The following USH2A variants were observed in gnomAD, a reference collection of about 807,000 sequenced individuals.
USH2A encodes the protein usherin.
USH2A carries 443 observed loss-of-function variants against 538.9 expected under a neutral mutation model. The observed-to-expected ratio is 0.82, with a 90% CI of 0.76 to 0.89. The LOEUF is 0.89. Among genes scored for constraint, USH2A ranks in the 40% least tolerant of loss-of-function variants. The probability of loss-of-function intolerance (pLI) is 0.00; values close to 1 mark genes in which losing one functional copy is unlikely to be tolerated. For missense variants in USH2A, 6,633 were observed against 6,324.8 expected (o/e 1.05, Z -1.65); for synonymous variants, 2,413 against 2,273.5 (o/e 1.06, Z -1.75).
At chr1:216,036,383 C>T (rs1433695793) in intron 32 of USH2A, among the ~76,000 whole-genome samples, 1 of 152,016 alleles carries the variant, frequency 6.6e-6, no homozygotes, top group Non-Finnish European at 1.5e-5. Context: ...AAGAGATAAT[C>T]ACTATTAGTA....
chr1:215,750,604 T>C (rs1448119612), intron 58 of USH2A, among the ~76,000 whole-genome samples: 3 of 152,194 alleles, frequency 2.0e-5, no homozygotes, highest in Admixed American at 2.0e-4. Flanking sequence ...AAAGCAAAAA[T>C]CAGTTTTTTA....
chr1:216,131,389 C>G (rs975164072), intron 21 of USH2A, among the ~76,000 whole-genome samples: 5 of 152,024 alleles, frequency 3.3e-5, no homozygotes, highest in Non-Finnish European at 7.4e-5. Flanking sequence ...TTGCCTAAAC[C>G]AATGCCTAGA....
intron 3 of USH2A, among the ~76,000 whole-genome samples, chr1:216,383,629 G>C (rs1472550173): frequency 6.6e-6 from 1 of 152,146 alleles, no homozygotes; most frequent in African/African-American, 2.4e-5. Flanking sequence ...ACATAGGATT[G>C]TATGTCTGAA....
At chr1:215,792,620 A>G (rs1429578041) in intron 50 of USH2A, among the ~76,000 whole-genome samples, 1 of 152,196 alleles carries the variant, frequency 6.6e-6, no homozygotes, top group East Asian at 1.9e-4. Context: ...GACGTGCACT[A>G]ACTCACTTAG....
rs909432481 is a variant in USH2A at position 215,878,678 on chromosome 1, A to G, written c.8558+86T>C. 2.9e-6 allele frequency: 4 copies of G among 1,364,792 alleles called. No individual in the cohort carries two copies. The East Asian group carries it at 7.3e-5, about 25-fold the overall frequency. The allele number at this position is 1,364,792 out of a possible 1,614,324, so 84.5% of individuals were successfully genotyped here. ...AATGCCAAATTAGTTCTATGTTCAT[A>G]TAGGAATAAAAGCCTCCTTCATTTC... On this transcript the variant is annotated intron_variant, in intron 42 of 71. Coordinates refer to ENST00000307340, the MANE Select transcript of USH2A (RefSeq NM_206933.4).
At chr1:215,791,441 A>G (rs1558099770) in intron 50 of USH2A, among the ~76,000 whole-genome samples, 1 of 152,242 alleles carries the variant, frequency 6.6e-6, no homozygotes, top group Non-Finnish European at 1.5e-5. Flanking sequence ...TTTAAAAAAA[A>G]TCATTGAAAG....
At chr1:215,804,098 T>A (rs1662420161) in intron 49 of USH2A, among the ~76,000 whole-genome samples, 1 of 151,898 alleles carries the variant, frequency 6.6e-6, no homozygotes, top group Non-Finnish European at 1.5e-5. Context: ...AAGCTGAAAC[T>A]GGATCCCTTC....
intron 11 of USH2A, among the ~76,000 whole-genome samples, chr1:216,281,029 T>C (rs892735994): frequency 6.6e-6 from 1 of 152,234 alleles, no homozygotes; most frequent in Non-Finnish European, 1.5e-5. Context: ...TGTTATCCTA[T>C]TGACAATGTC....
intron 15 of USH2A, among the ~76,000 whole-genome samples, chr1:216,210,810 G>A (rs1026756794): frequency 1.3e-5 from 2 of 151,902 alleles, no homozygotes; most frequent in South Asian, 2.1e-4. Flanking sequence ...GTGAAACCCC[G>A]TCTCTACTAA....
At chr1:216,409,736 G>C (rs1250556968) in intron 3 of USH2A, among the ~76,000 whole-genome samples, 1 of 152,054 alleles carries the variant, frequency 6.6e-6, no homozygotes, top group Non-Finnish European at 1.5e-5. Context: ...ACTCAAGTTG[G>C]AATAAAGACT....
chr1:216,115,419 A>G (rs1242692390), intron 21 of USH2A, among the ~76,000 whole-genome samples: 7 of 152,244 alleles, frequency 4.6e-5, no homozygotes, highest in Admixed American at 3.9e-4. Flanking sequence ...TGCTAGGATT[A>G]CAGGCGTAAG....
intron 21 of USH2A, among the ~76,000 whole-genome samples, chr1:216,099,726 G>T (rs553365098): frequency 6.6e-6 from 1 of 152,190 alleles, no homozygotes; most frequent in South Asian, 2.1e-4. Flanking sequence ...GGGGCAAAAT[G>T]GTCCATTCTT....
intron 64 of USH2A, among the ~76,000 whole-genome samples, chr1:215,662,068 C>T (rs1206142032): frequency 2.0e-5 from 3 of 152,202 alleles, no homozygotes; most frequent in African/African-American, 7.2e-5. Flanking sequence ...TAGGTATACA[C>T]TTTGAACATT....
intron 21 of USH2A, among the ~76,000 whole-genome samples, chr1:216,167,516 C>A (rs1446926760): frequency 2.0e-5 from 3 of 152,048 alleles, no homozygotes; most frequent in Non-Finnish European, 4.4e-5. Flanking sequence ...AGTGAGCATG[C>A]CTATAACTTC....
intron 11 of USH2A, among the ~76,000 whole-genome samples, chr1:216,277,117 CTG>C (rs2036684945): frequency 1.3e-5 from 2 of 152,140 alleles, no homozygotes; most frequent in South Asian, 4.1e-4. Context: ...CCTATGGTGT[CTG>C]TTCTTGCTAA....
chr1:216,292,335 AG>A lies in USH2A; in HGVS notation c.1679del (p.Pro560LeufsTer31), dbSNP rs773539640. On this transcript the variant is annotated frameshift_variant, in exon 10 of 72. Coordinates refer to ENST00000307340, the MANE Select transcript of USH2A (RefSeq NM_206933.4). LOFTEE classifies it high-confidence loss of function. ...CGTAAACTTGATCACCTTGGCGGAA[AG>A]GCTTGTCATTATAAAGAGGCAAGCA... The part of the protein sequence containing the change: ...DRCLPLYNDK[P>X]FRQGDQVYAF... 5.1e-5 allele frequency: 82 copies of A among 1,613,932 alleles called. No homozygotes were observed. Among genetic ancestry groups the A allele is most frequent in the Non-Finnish European group, 6.7e-5 (79 of 1,179,952 alleles).
chr1:215,809,010 T>C (rs552132809), intron 49 of USH2A, among the ~76,000 whole-genome samples: 1 of 152,094 alleles, frequency 6.6e-6, no homozygotes, highest in Admixed American at 6.6e-5. Context: ...TTTGAAAGGA[T>C]CCTATAATAT....
At chr1:215,764,247 C>A (rs1203420224) in intron 56 of USH2A, among the ~76,000 whole-genome samples, 1 of 151,928 alleles carries the variant, frequency 6.6e-6, no homozygotes, top group East Asian at 1.9e-4. Context: ...AGGAAAAAAC[C>A]AAGGGTGTGT....
At chr1:215,642,416 T>C (rs1393636147) in intron 67 of USH2A, among the ~76,000 whole-genome samples, 1 of 152,192 alleles carries the variant, frequency 6.6e-6, no homozygotes, top group Non-Finnish European at 1.5e-5. Context: ...TTATCATCGG[T>C]ACACATTTGT....
Sources: allele counts gnomAD v4.1 joint callset (sites outside exome capture counted in the v4.1 genomes callset), GRCh38; gene constraint gnomAD v4.1.1; transcripts MANE v1.5; gene names NCBI Gene and HGNC (gene_info 2026-07-23, HGNC 2026-07-21).